Variants in FBXO15 observed in about 807,000 individuals in gnomAD.
FBXO15 encodes the protein F-box only protein 15.
A neutral mutation model predicts 49.5 loss-of-function variants in FBXO15; 30 were observed. That is an observed-to-expected ratio of 0.61 (90% CI 0.45 to 0.82). FBXO15 has a LOEUF of 0.82. FBXO15 is among the 40% of genes least tolerant of loss of function. The pLI is 0.00. For missense variants in FBXO15, 591 were observed against 631.5 expected (o/e 0.94, Z 0.69); for synonymous variants, 250 against 232.7 (o/e 1.07, Z -0.68).
intron 8 of FBXO15, among the ~76,000 whole-genome samples, chr18:74,105,209 A>G (rs1258555351): frequency 6.6e-6 from 1 of 152,218 alleles, no homozygotes; most frequent in East Asian, 1.9e-4. Context: ...ATAGTTTGAC[A>G]GAAGAGATAA....
chr18:74,094,044 C>T (rs915934493), intron 8 of FBXO15, among the ~76,000 whole-genome samples: 8 of 152,124 alleles, frequency 5.3e-5, no homozygotes, highest in Admixed American at 6.5e-5. Context: ...ATGGATGTTG[C>T]GTTAGCAGGC....
intron 8 of FBXO15, among the ~76,000 whole-genome samples, chr18:74,120,222 CA>C (rs1245978188): frequency 1.3e-5 from 2 of 152,050 alleles, no homozygotes; most frequent in African/African-American, 4.8e-5. Flanking sequence ...GATAAAACAG[CA>C]AAAAAGTACA....
At chr18:74,079,141 C>A (rs1568154412) in intron 9 of FBXO15, among the ~76,000 whole-genome samples, 1 of 152,112 alleles carries the variant, frequency 6.6e-6, no homozygotes, top group Non-Finnish European at 1.5e-5. Context: ...AAAATAACAT[C>A]AAAAATGCCA....
intron 8 of FBXO15, among the ~76,000 whole-genome samples, chr18:74,101,216 G>A (rs1021471779): frequency 1.3e-5 from 2 of 152,262 alleles, no homozygotes; most frequent in African/African-American, 4.8e-5. Context: ...CCATGATCAA[G>A]TGGGTTTCAT....
At chr18:74,104,831 A>C (rs554066603) in intron 8 of FBXO15, among the ~76,000 whole-genome samples, 15 of 152,334 alleles carry the variant, frequency 9.8e-5, no homozygotes, top group African/African-American at 3.6e-4. Flanking sequence ...CAATACAGTA[A>C]TAATAGAGTG....
chr18:74,135,641 T>G lies in FBXO15; in HGVS notation c.332+121A>C. The G allele has an allele frequency of 4.1e-6, 3 of 728,810 alleles. No individual in the cohort carries two copies. In the South Asian group the frequency reaches 6.1e-5, roughly 15 times the overall value. The allele number at this position is 728,810 out of a possible 1,614,324, so 45.1% of individuals were successfully genotyped here. On this transcript the variant is annotated intron_variant, in intron 3 of 9. Coordinates refer to ENST00000419743, the MANE Select transcript of FBXO15 (RefSeq NM_001142958.2). Reference sequence around the variant, plus strand: ...TAGTTAAAGCATTTGACATTTCCACTTGTGTGTAAAAATACTCTTGAATTC... The same window carrying G: ...TAGTTAAAGCATTTGACATTTCCACGTGTGTGTAAAAATACTCTTGAATTC...
intron 8 of FBXO15, among the ~76,000 whole-genome samples, chr18:74,107,818 T>C (rs1371877651): frequency 1.3e-5 from 2 of 152,138 alleles, no homozygotes; most frequent in African/African-American, 4.8e-5. Flanking sequence ...TACCAGAGCA[T>C]TCTGTGCTAC....
chr18:74,077,301 C>T (rs1232041307), intron 9 of FBXO15, among the ~76,000 whole-genome samples: 1 of 152,162 alleles, frequency 6.6e-6, no homozygotes, highest in Non-Finnish European at 1.5e-5. Context: ...TAAGGTAGGA[C>T]AGCAGGAGCC....
chr18:74,130,368 G>A (rs780290473), intron 4 of FBXO15, 48 bp downstream of exon 4: 57 of 1,607,200 alleles, frequency 3.5e-5, no homozygotes, highest in South Asian at 6.6e-5. Flanking sequence ...CTACGTACAC[G>A]ATACTTTGAG....
At chr18:74,124,681 T>C in intron 6 of FBXO15, 110 bp from the exon 7 acceptor site, 2 of 884,604 alleles carry the variant, frequency 2.3e-6, no homozygotes. Flanking sequence ...GGCACTTTCT[T>C]ACAAACATAA....
chr18:74,075,114 C>T lies in FBXO15; in HGVS notation c.1264-1384G>A, dbSNP rs1247819783. Among the ~76,000 whole-genome samples, 3 of 152,174 alleles carry T rather than the reference C, an allele frequency of 2.0e-5. No homozygotes were observed. The highest frequency in any genetic ancestry group is 6.5e-5 in the Admixed American group (1 of 15,278). Reference sequence around the variant, plus strand: ...CCATGCAGCTGCACCATCCTCAGCTCGGCCTGACGGTCCCACCCTGGCTCT... The same window carrying T: ...CCATGCAGCTGCACCATCCTCAGCTTGGCCTGACGGTCCCACCCTGGCTCT... On this transcript the variant is annotated intron_variant, in intron 9 of 9. Transcript: ENST00000419743. This position sits in a 1 kb window ranked among gnomAD's most constrained non-coding sequence, Gnocchi z 4.1.
intron 9 of FBXO15, among the ~76,000 whole-genome samples, chr18:74,080,695 T>C (rs999467299): frequency 2.0e-5 from 3 of 152,222 alleles, no homozygotes; most frequent in Non-Finnish European, 4.4e-5. Flanking sequence ...TTATGTAGCT[T>C]AGTCTGCCCT....
intron 8 of FBXO15, chr18:74,098,496 G>GT (rs1435890283): frequency 6.6e-6 from 1 of 152,136 alleles, no homozygotes; most frequent in East Asian, 1.9e-4. Context: ...CAATAGAACT[G>GT]AACATGGCAG....
chr18:74,097,771 T>C (rs1371401015), intron 8 of FBXO15: 1 of 152,322 alleles, frequency 6.6e-6, no homozygotes, highest in South Asian at 2.1e-4. Context: ...CGATGCTCTC[T>C]TAAAAGCACA....
chr18:74,081,755 G>A (rs1912503624), intron 9 of FBXO15, among the ~76,000 whole-genome samples, 172 bp downstream of exon 9: 2 of 152,132 alleles, frequency 1.3e-5, no homozygotes, highest in African/African-American at 2.4e-5. Flanking sequence ...TGAATCCACT[G>A]GCTGTCAATG....
intron 1 of FBXO15, among the ~76,000 whole-genome samples, chr18:74,145,603 T>TTTTTTTG (rs1979357842): frequency 7.0e-6 from 1 of 143,526 alleles, no homozygotes; most frequent in African/African-American, 2.7e-5. Context: ...ACTTTTTTTT[T>TTTTTTTG]TTTTTTTTTT....
chr18:74,080,733 T>C (rs1023852273), intron 9 of FBXO15, among the ~76,000 whole-genome samples: 3 of 152,266 alleles, frequency 2.0e-5, no homozygotes, highest in African/African-American at 7.2e-5. Context: ...AAATTTTGTT[T>C]TTAATGATCA....
chr18:74,109,462 A>G (rs1006008979), intron 8 of FBXO15, among the ~76,000 whole-genome samples: 1 of 152,246 alleles, frequency 6.6e-6, no homozygotes, highest in African/African-American at 2.4e-5. Flanking sequence ...CACTTGACCC[A>G]GCAATCCCAT....
chr18:74,091,520 T>C (rs1913025684), intron 8 of FBXO15, among the ~76,000 whole-genome samples: 5 of 152,194 alleles, frequency 3.3e-5, no homozygotes, highest in Admixed American at 3.3e-4. Context: ...GTTTTTGTAG[T>C]GGTCAGTAAT....
Sources: allele counts gnomAD v4.1 joint callset (sites outside exome capture counted in the v4.1 genomes callset), GRCh38; gene constraint gnomAD v4.1.1; non-coding constraint Gnocchi (gnomAD v3.1); transcripts MANE v1.5; gene names NCBI Gene and HGNC (gene_info 2026-07-23, HGNC 2026-07-21).